The following CERS6 variants were observed in gnomAD, a reference collection of about 807,000 sequenced individuals.
The protein encoded by CERS6 is ceramide synthase 6.
CERS6 carries 26 observed loss-of-function variants against 56.8 expected under a neutral mutation model. The ratio of observed to expected loss-of-function variants is 0.46; its 90% CI spans 0.34 to 0.63. CERS6 has a LOEUF of 0.63. Among genes scored for constraint, CERS6 ranks in the 30% least tolerant of loss-of-function variants. The pLI is 0.01. For missense variants in CERS6, 415 were observed against 467.5 expected, an observed-to-expected ratio of 0.89 and a Z score of 1.04; for synonymous variants, 164 against 173.3, an observed-to-expected ratio of 0.95 and a Z score of 0.42.
intron 3 of CERS6, among the ~76,000 whole-genome samples, chr2:168,571,407 C>A (rs1222359589): frequency 6.6e-6 from 1 of 151,970 alleles, no homozygotes; most frequent in Non-Finnish European, 1.5e-5. Flanking sequence ...TCCTGATATT[C>A]GAATATAACA....
At chr2:168,709,063 G>A (rs971884670) in intron 6 of CERS6, among the ~76,000 whole-genome samples, 1 of 152,004 alleles carries the variant, frequency 6.6e-6, no homozygotes, top group Non-Finnish European at 1.5e-5. Flanking sequence ...TTATATAGAC[G>A]TTCAGATCTG....
At chr2:168,524,241 T>C (rs944622579) in intron 1 of CERS6, among the ~76,000 whole-genome samples, 1 of 152,232 alleles carries the variant, frequency 6.6e-6, no homozygotes, top group African/African-American at 2.4e-5. Context: ...TATCATGCAG[T>C]TTAATGAACT....
chr2:168,670,966 TC>T (rs35335379), intron 4 of CERS6, among the ~76,000 whole-genome samples: 5,514 of 30,496 alleles, frequency 0.18, 892 homozygotes, highest in African/African-American at 0.22. Flanking sequence ...GATACATGCT[TC>T]CCCCCCCCCC....
chr2:168,606,130 C>T (rs1477520250), intron 3 of CERS6, among the ~76,000 whole-genome samples: 1 of 152,204 alleles, frequency 6.6e-6, no homozygotes, highest in Non-Finnish European at 1.5e-5. Flanking sequence ...TGCAAAGCCA[C>T]AAGGGGTGGA....
chr2:168,692,286 G>T (rs2105362507), intron 5 of CERS6, among the ~76,000 whole-genome samples: 2 of 152,264 alleles, frequency 1.3e-5, no homozygotes, highest in South Asian at 4.1e-4. Context: ...GTCACATAAG[G>T]CTCCTTGTGT....
chr2:168,491,979 A>G (rs6730324), intron 1 of CERS6, among the ~76,000 whole-genome samples: 2,051 of 152,236 alleles, frequency 0.013, 50 homozygotes, highest in African/African-American at 0.046. Flanking sequence ...ATAGTATTCC[A>G]TGGTGTATAT....
intron 4 of CERS6, among the ~76,000 whole-genome samples, chr2:168,657,736 C>T (rs138947497): frequency 5.9e-5 from 9 of 152,344 alleles, no homozygotes; most frequent in East Asian, 3.9e-4. Flanking sequence ...GCTCCGAGTG[C>T]GGGGCCCACC....
chr2:168,475,798 A>T (rs1165449316), intron 1 of CERS6, among the ~76,000 whole-genome samples: 4 of 152,124 alleles, frequency 2.6e-5, no homozygotes, highest in Non-Finnish European at 5.9e-5. Flanking sequence ...CTTTCTCAAG[A>T]TTATTGGCTC....
chr2:168,729,251 C>T (rs147927426), intron 8 of CERS6, among the ~76,000 whole-genome samples: 271 of 152,198 alleles, frequency 1.8e-3, no homozygotes, highest in Non-Finnish European at 2.3e-3. Context: ...ATGCTAGGAC[C>T]GAGATTTGAA....
chr2:168,574,860 A>G (rs1326286591), intron 3 of CERS6, among the ~76,000 whole-genome samples: 1 of 152,218 alleles, frequency 6.6e-6, no homozygotes. Context: ...ATTATTTGGC[A>G]GATTTGATAT....
chr2:168,703,425 G>A (rs560149910), intron 6 of CERS6, among the ~76,000 whole-genome samples: 3 of 152,160 alleles, frequency 2.0e-5, no homozygotes, highest in Non-Finnish European at 2.9e-5. Flanking sequence ...GGGCATGGTG[G>A]TACACACCTG....
At chr2:168,510,651 A>G (rs1694762472) in intron 1 of CERS6, among the ~76,000 whole-genome samples, 1 of 152,184 alleles carries the variant, frequency 6.6e-6, no homozygotes, top group African/African-American at 2.4e-5. Flanking sequence ...TAAAACCAAG[A>G]GCTATGATTA....
chr2:168,696,788 T>C (rs1186040977), intron 6 of CERS6, among the ~76,000 whole-genome samples: 1 of 152,208 alleles, frequency 6.6e-6, no homozygotes, highest in East Asian at 1.9e-4. Context: ...CATGTCCTAA[T>C]ACTATCACTT....
intron 1 of CERS6, among the ~76,000 whole-genome samples, chr2:168,503,607 T>C (rs1283585414): frequency 6.6e-6 from 1 of 152,144 alleles, no homozygotes; most frequent in African/African-American, 2.4e-5. Flanking sequence ...TCTTGAGCTA[T>C]GGAGTCTGCT....
At chr2:168,654,210 G>A (rs1269977082) in intron 4 of CERS6, among the ~76,000 whole-genome samples, 2 of 152,286 alleles carry the variant, frequency 1.3e-5, no homozygotes, top group South Asian at 2.1e-4. Context: ...GCTATAGGTA[G>A]TGTCTGTCAT....
At chr2:168,491,452 A>G (rs1384085680) in intron 1 of CERS6, among the ~76,000 whole-genome samples, 5 of 152,016 alleles carry the variant, frequency 3.3e-5, no homozygotes, top group Admixed American at 2.6e-4. Context: ...TCATATTAGT[A>G]TATTTTCTGT....
intron 1 of CERS6, among the ~76,000 whole-genome samples, chr2:168,488,314 T>A (rs1694310318): frequency 6.6e-6 from 1 of 152,130 alleles, no homozygotes; most frequent in African/African-American, 2.4e-5. Context: ...CATAGAGGAA[T>A]GAAAAATTGG....
chr2:168,587,125 G>A (rs545730486), intron 3 of CERS6, among the ~76,000 whole-genome samples: 2 of 85,314 alleles, frequency 2.3e-5, no homozygotes, highest in Admixed American at 1.3e-4. Context: ...ATTACAATGA[G>A]CCAAGATTGT....
Position 168,717,918 on chromosome 2 carries a change from T to A in CERS6, c.785T>A (p.Leu262His). The A allele has an allele frequency of 6.2e-7, 1 of 1,613,904 alleles. No individual in the cohort carries two copies. Among genetic ancestry groups the A allele is most frequent in the Non-Finnish European group, 8.5e-7 (1 of 1,179,834 alleles). The change falls in exon 8 of 10, where the codon CTC (leucine) becomes CAC (histidine). Residue 262 changes from leucine (L) to histidine (H), a missense_variant. Transcript: ENST00000305747. ...GCCAAGTTTCAGAAAATGTGTGATC[T>A]CCTGTTTGTTATGTTTGCCGTGGTT... ...NYAKFQKMCD[L>H]LFVMFAVVFI...
Sources: allele counts gnomAD v4.1 joint callset (sites outside exome capture counted in the v4.1 genomes callset), GRCh38; gene constraint gnomAD v4.1.1; transcripts MANE v1.5; gene names NCBI Gene and HGNC (gene_info 2026-07-23, HGNC 2026-07-21).